Variants in RALGAPA1 observed in about 807,000 individuals in gnomAD.
RALGAPA1 encodes ral GTPase-activating protein subunit alpha-1.
Under a neutral mutation model 269.6 loss-of-function variants are expected in RALGAPA1, and 52 were observed. The ratio of observed to expected loss-of-function variants is 0.19; its 90% confidence interval spans 0.15 to 0.24. The LOEUF (loss-of-function observed/expected upper bound fraction) is 0.24, where lower values mean the gene tolerates loss of function less well. Among genes scored for constraint, RALGAPA1 ranks in the 10% least tolerant of loss-of-function variants. RALGAPA1 has a pLI of 1.00. For synonymous variants in RALGAPA1, 817 were observed against 1,008.3 expected (o/e 0.81, Z 3.60); for missense variants, 1,917 against 3,013.9 (o/e 0.64, Z 8.52).
At chr14:35,660,149 CA>C (rs2063444969) in intron 27 of RALGAPA1, among the ~76,000 whole-genome samples, 1 of 151,974 alleles carries the variant, frequency 6.6e-6, no homozygotes, top group African/African-American at 2.4e-5. Flanking sequence ...TTCTATTCAA[CA>C]TAGTATTGGA....
chr14:35,671,477 A>C lies in RALGAPA1; in HGVS notation c.5114T>G (p.Phe1705Cys). 1 of 1,597,528 alleles carries C rather than the reference A, an allele frequency of 6.3e-7. No homozygotes were observed. The highest frequency in any genetic ancestry group is 1.1e-5 in the South Asian group (1 of 90,694). ...GGCACCAGGCAAACCAAGTGAAAAAAATTGAGGTGAGCAGTGTTTGATGAT... is the reference window on the plus strand; with the variant it reads ...GGCACCAGGCAAACCAAGTGAAAAACATTGAGGTGAGCAGTGTTTGATGAT... ...NTIIKHCSPQFFSLGLPGATM... is the reference protein window; with the variant it reads ...NTIIKHCSPQCFSLGLPGATM... Residue 1705 changes from phenylalanine to cysteine, a missense_variant, in exon 26 of 42, where the codon TTT becomes TGT. By Grantham distance (205) the Phe-to-Cys change is radical (BLOSUM62 -2). Coordinates refer to ENST00000680220, the MANE Select transcript of RALGAPA1 (RefSeq NM_001346249.2).
intron 1 of RALGAPA1, among the ~76,000 whole-genome samples, chr14:35,801,571 A>C (rs2076982533): frequency 6.6e-6 from 1 of 152,122 alleles, no homozygotes; most frequent in East Asian, 1.9e-4. Context: ...CCTGGACATG[A>C]ATCCTATAAT....
chr14:35,707,817 A>G (rs991441210), intron 16 of RALGAPA1, among the ~76,000 whole-genome samples: 1 of 152,106 alleles, frequency 6.6e-6, no homozygotes, highest in African/African-American at 2.4e-5. Flanking sequence ...TTCTTGTATG[A>G]GTTTTGGTAG....
intron 17 of RALGAPA1, among the ~76,000 whole-genome samples, chr14:35,698,988 A>T (rs1174608076): frequency 6.6e-6 from 1 of 152,128 alleles, no homozygotes; most frequent in African/African-American, 2.4e-5. Flanking sequence ...AATCTTACTA[A>T]TTTTCTGTAC....
chr14:35,588,891 T>C (rs1415011447), intron 37 of RALGAPA1, among the ~76,000 whole-genome samples: 1 of 152,134 alleles, frequency 6.6e-6, no homozygotes, highest in African/African-American at 2.4e-5. Flanking sequence ...AAAGAAAATG[T>C]GGTATATATA....
intron 7 of RALGAPA1, among the ~76,000 whole-genome samples, chr14:35,755,209 G>C (rs1567163517): frequency 6.6e-6 from 1 of 151,728 alleles, no homozygotes; most frequent in Non-Finnish European, 1.5e-5. Context: ...AAAAGTTTTA[G>C]TTCGCCAGGC....
Position 35,689,651 on chromosome 14 carries a change from A to C in RALGAPA1, c.2760T>G (p.Leu920=). The change falls in exon 18 of 42, where the codon CTT becomes CTG. Residue 920 remains leucine (L), a synonymous_variant. Coordinates refer to ENST00000680220, the MANE Select transcript of RALGAPA1 (RefSeq NM_001346249.2). Reference sequence around the variant, plus strand: ...GGATTTGTTCAAAAGCTGAATCTGCAAGTTCTACTGGACCTATTAAATGAC... The same window carrying C: ...GGATTTGTTCAAAAGCTGAATCTGCCAGTTCTACTGGACCTATTAAATGAC... ...HLCHLIGPVE[L]ADSAFEQIQY... 2 of 1,270,042 alleles carry C rather than the reference A, an allele frequency of 1.6e-6. No individual in the cohort carries two copies. The highest frequency in any genetic ancestry group is 2.0e-6 in the Non-Finnish European group (2 of 1,009,592). The allele number at this position is 1,270,042 out of a possible 1,614,324, so 78.7% of individuals were successfully genotyped here.
In RALGAPA1 at chr14:35,595,666, G is replaced by A. The variant is rs191415052; in HGVS notation, c.7177C>T (p.Pro2393Ser). The change falls in exon 37 of 42, where the codon CCT becomes TCT. Residue 2393 changes from proline to serine, a missense_variant. Around this residue, in one of 11 missense-constraint regions of RALGAPA1, gnomAD observed 132 missense variants for 271.2 expected, o/e 0.49. Coordinates refer to ENST00000680220, the MANE Select transcript of RALGAPA1 (RefSeq NM_001346249.2). ...EVIFHVSTRMPSDSDDSLTKK... is the reference protein window; with the variant it reads ...EVIFHVSTRMSSDSDDSLTKK... Reference sequence around the variant, plus strand: ...GTCAAAGAATCATCAGAATCAGAAGGCATTCTTGTTGACACGTGAAATATT... The same window carrying A: ...GTCAAAGAATCATCAGAATCAGAAGACATTCTTGTTGACACGTGAAATATT... 50 of 1,612,066 alleles carry A rather than the reference G, an allele frequency of 3.1e-5. No individual in the cohort carries two copies. Among genetic ancestry groups the A allele is most frequent in the East Asian group, 2.2e-4 (10 of 44,788 alleles).
At chr14:35,589,200 AC>A (rs1203732118) in intron 37 of RALGAPA1, among the ~76,000 whole-genome samples, 3 of 152,216 alleles carry the variant, frequency 2.0e-5, no homozygotes, top group African/African-American at 7.2e-5. Flanking sequence ...ATGATAAAAT[AC>A]AATTGGTTTC....
chr14:35,713,139 G>A (rs769185757), intron 16 of RALGAPA1, among the ~76,000 whole-genome samples: 7 of 152,136 alleles, frequency 4.6e-5, no homozygotes, highest in Non-Finnish European at 8.8e-5. Flanking sequence ...GGTAGAAAAC[G>A]GATCTGGAGG....
chr14:35,753,531 G>A (rs972528232), intron 7 of RALGAPA1, among the ~76,000 whole-genome samples: 5 of 152,118 alleles, frequency 3.3e-5, no homozygotes, highest in South Asian at 2.1e-4. Flanking sequence ...GTATCGATAC[G>A]TGCTACAACA....
At chr14:35,630,572 G>A (rs1253522729) in intron 33 of RALGAPA1, among the ~76,000 whole-genome samples, 1 of 151,852 alleles carries the variant, frequency 6.6e-6, no homozygotes, top group Non-Finnish European at 1.5e-5. Context: ...GTGAGTGACT[G>A]CACCCACCCA....
At chr14:35,647,221 T>TA (rs920519883) in intron 31 of RALGAPA1, among the ~76,000 whole-genome samples, 56 of 151,812 alleles carry the variant, frequency 3.7e-4, no homozygotes, top group African/African-American at 9.7e-4. Flanking sequence ...CACGTGATTT[T>TA]AAAAAAAAAT....
intron 4 of RALGAPA1, chr14:35,766,314 G>A: frequency 9.8e-7 from 1 of 1,020,716 alleles, no homozygotes; most frequent in South Asian, 1.3e-5. Context: ...CACAGCACAG[G>A]ATCCTGTTAA....
intron 35 of RALGAPA1, among the ~76,000 whole-genome samples, chr14:35,623,082 C>CAAAAAAAA (rs71445949): frequency 1.1e-5 from 1 of 89,934 alleles, no homozygotes. Flanking sequence ...GACTCTGTCT[C>CAAAAAAAA]AAAAAAAAAA....
At chr14:35,799,699 C>A (rs1019483343) in intron 1 of RALGAPA1, among the ~76,000 whole-genome samples, 2 of 151,882 alleles carry the variant, frequency 1.3e-5, no homozygotes, top group Admixed American at 6.6e-5. Flanking sequence ...AAGGAACAGA[C>A]AGGCCAAACA....
intron 12 of RALGAPA1, among the ~76,000 whole-genome samples, chr14:35,729,978 C>T (rs1308679144): frequency 6.6e-6 from 1 of 152,038 alleles, no homozygotes; most frequent in African/African-American, 2.4e-5. Context: ...AGAACAAACA[C>T]CAGGAATCCC....
At chr14:35,759,911 CA>C (rs34611097) in intron 6 of RALGAPA1, among the ~76,000 whole-genome samples, 35,902 of 93,166 alleles carry the variant, frequency 0.39, 5,386 homozygotes, top group African/African-American at 0.58. Context: ...GATTCTATCT[CA>C]AAAAAAAAAA....
At chr14:35,764,462 C>T (rs1015946687) in intron 4 of RALGAPA1, among the ~76,000 whole-genome samples, 1 of 152,072 alleles carries the variant, frequency 6.6e-6, no homozygotes, top group African/African-American at 2.4e-5. Flanking sequence ...ATTGAAAATA[C>T]ATTATCCCAA....
Sources: allele counts gnomAD v4.1 joint callset (sites outside exome capture counted in the v4.1 genomes callset), GRCh38; gene constraint gnomAD v4.1.1; regional missense constraint gnomAD v4.1.1; transcripts MANE v1.5; gene names NCBI Gene and HGNC (gene_info 2026-07-23, HGNC 2026-07-21).